Variants in LMTK3 observed in about 807,000 individuals in gnomAD.
LMTK3 encodes serine/threonine-protein kinase LMTK3.
Under a neutral mutation model 116.7 loss-of-function variants are expected in LMTK3, and 27 were observed. That is an observed-to-expected ratio of 0.23 (90% CI 0.17 to 0.32). The LOEUF is 0.32. Among genes scored for constraint, LMTK3 ranks in the 10% least tolerant of loss-of-function variants. LMTK3 has a pLI of 1.00. For synonymous variants in LMTK3, 965 were observed against 971.0 expected, an observed-to-expected ratio of 0.99 and a Z score of 0.11; for missense variants, 1,764 against 2,068.5, an observed-to-expected ratio of 0.85 and a Z score of 2.86.
At chr19:48,509,791 G>T (rs971164576) in intron 3 of LMTK3, among the ~76,000 whole-genome samples, 6 of 151,940 alleles carry the variant, frequency 3.9e-5, no homozygotes, top group African/African-American at 1.5e-4. Context: ...TCTCACCACC[G>T]CTTGCCCCTT....
In LMTK3 at chr19:48,500,378, C is replaced by T. The variant is rs1398440313; in HGVS notation, c.1152-461G>A. ...GGCGGAGGTTGCAGTGAGCCAAGAT[C>T]GTGCCATCGCACTCCAGCCTGGGCA... On this transcript the variant is annotated intron_variant, in intron 10 of 14. Coordinates refer to ENST00000600059, the MANE Select transcript of LMTK3 (RefSeq NM_001388485.1). This position sits in a 1 kb window ranked among gnomAD's most constrained non-coding sequence, Gnocchi z 4.0. Among the ~76,000 whole-genome samples the T allele has an allele frequency of 4.0e-5, 6 of 151,100 alleles. No individual in the cohort carries two copies. Among genetic ancestry groups the T allele is most frequent in the African/African-American group, 1.5e-4 (6 of 40,974 alleles).
At chr19:48,507,067 C>T (rs1038082506) in intron 5 of LMTK3, among the ~76,000 whole-genome samples, 1 of 152,214 alleles carries the variant, frequency 6.6e-6, no homozygotes, top group African/African-American at 2.4e-5. Flanking sequence ...GCTAGGATTA[C>T]AGGCAGGAGC....
Position 48,493,891 on chromosome 19 carries a change from CCGCCGCCGCGCCCGG to C in LMTK3, c.3880_3894del (p.Pro1294_Ala1298del), listed in dbSNP as rs1156828396. ...CGCGCCCTCCCGGGGCCCCGCGGCCCCGCCGCCGCGCCCGGCGCCGCCGCCTCCTCGTCCTCCTCC... is the reference window on the plus strand; with the variant it reads ...CGCGCCCTCCCGGGGCCCCGCGGCCCCGCCGCCGCCTCCTCGTCCTCCTCC... On this transcript the variant is annotated inframe_deletion, in exon 12 of 15. Coordinates refer to ENST00000600059, the MANE Select transcript of LMTK3 (RefSeq NM_001388485.1). The C allele has an allele frequency of 3.5e-5, 37 of 1,062,142 alleles. 1 individual carries two copies. The highest frequency in any genetic ancestry group is 1.3e-4 in the South Asian group (3 of 22,902). 65.8% of individuals were successfully genotyped at this position (1,062,142 alleles called of 1,614,324 possible).
In LMTK3 at chr19:48,485,626, T is replaced by G. The variant is rs1009925840; in HGVS notation, c.*147A>C. The G allele has an allele frequency of 1.8e-4, 127 of 692,814 alleles. No homozygotes were observed. Among genetic ancestry groups the G allele is most frequent in the Non-Finnish European group, 1.8e-4 (81 of 451,324 alleles). 42.9% of individuals were successfully genotyped at this position (692,814 alleles called of 1,614,324 possible). ...GGCCCGGGGCCTCCCGTTTGGCACA[T>G]GGTAGGGGAGTGGGAGGGGGAGGGC... is the stretch of plus-strand genomic sequence containing the variant. On this transcript the variant is annotated 3_prime_UTR_variant, in exon 15 of 15. Coordinates refer to ENST00000600059, the MANE Select transcript of LMTK3 (RefSeq NM_001388485.1).
chr19:48,511,792 A>G lies in LMTK3; in HGVS notation c.-216T>C. 9.1e-6 allele frequency: 1 copy of G among 110,490 alleles called. No individual in the cohort carries two copies. The allele number at this position is 110,490 out of a possible 1,614,324, so 6.8% of individuals were successfully genotyped here. On this transcript the variant is annotated 5_prime_UTR_variant, in exon 1 of 15. Transcript: ENST00000600059. Reference sequence around the variant, plus strand: ...GGGACAGACGGATGAAGGGATGGAGAGGCGGACAGAGGAGAGATGCTGGGG... The same window carrying G: ...GGGACAGACGGATGAAGGGATGGAGGGGCGGACAGAGGAGAGATGCTGGGG...
Position 48,500,558 on chromosome 19 carries a change from G to T in LMTK3, c.1151+438C>A, listed in dbSNP as rs28562206. ...GGGCAGAGATCCAGGGAGAAGAGGG[G>T]ACAGCAGACGGTAGAGATTCAGAGG... is the stretch of plus-strand genomic sequence containing the variant. On this transcript the variant is annotated intron_variant, in intron 10 of 14. Coordinates refer to ENST00000600059, the MANE Select transcript of LMTK3 (RefSeq NM_001388485.1). The surrounding 1 kb of genome is among the most constrained non-coding windows in gnomAD (Gnocchi z 4.0). Among the ~76,000 whole-genome samples, 3,284 of 152,268 alleles carry T rather than the reference G, an allele frequency of 0.022. 121 individuals carry two copies. The highest frequency in any genetic ancestry group is 0.072 in the African/African-American group (3,000 of 41,536).
At chr19:48,510,430 C>A in intron 2 of LMTK3, 29 bp downstream of exon 2, 1 of 1,582,614 alleles carries the variant, frequency 6.3e-7, no homozygotes, top group East Asian at 2.3e-5. Flanking sequence ...AGTCTTCCTC[C>A]CCAAGTTGAA....
At chr19:48,502,785 A>T in intron 6 of LMTK3, 124 bp downstream of exon 6, 1 of 865,514 alleles carries the variant, frequency 1.2e-6, no homozygotes, top group Admixed American at 2.6e-5. Context: ...ATGAAATGTT[A>T]GCGCATGCCA....
intron 14 of LMTK3, among the ~76,000 whole-genome samples, chr19:48,490,669 C>T (rs890124635): frequency 2.0e-5 from 3 of 152,182 alleles, no homozygotes; most frequent in African/African-American, 7.2e-5. Context: ...GCTCTCTAAC[C>T]CCCAGCTGTG....
At chr19:48,502,364 T>C in intron 7 of LMTK3, 69 bp downstream of exon 7, 86 of 850,588 alleles carry the variant, frequency 1.0e-4, no homozygotes, top group Admixed American at 3.5e-4. Flanking sequence ...CTCTAGCCCC[T>C]CCCCTGAGGC....
Position 48,498,962 on chromosome 19 carries a change from G to C in LMTK3, c.2107C>G (p.Pro703Ala), listed in dbSNP as rs1395297886. 4 of 1,329,394 alleles carry C rather than the reference G, an allele frequency of 3.0e-6. No homozygotes were observed. In the African/African-American group the frequency reaches 4.6e-5, roughly 15 times the overall value. 82.3% of individuals were successfully genotyped at this position (1,329,394 alleles called of 1,614,324 possible). A position where few individuals can be genotyped will look rare whatever the true frequency, so the allele number is the denominator to read the frequency against. ...CGCAGCGAGGAGTCGTCCTCGGGGG[G>C]GTGGGGGCAGCCAAGAGCAGGGTGG... ...GGHPALGCPH[P>A]PEDDSSLRAE... is the part of the protein sequence containing the mutation. Residue 703 changes from proline (P) to alanine (A), a missense_variant, in exon 11 of 15, where the codon CCC (proline) becomes GCC (alanine). Pro to Ala is a conservative substitution (Grantham distance 27). Transcript: ENST00000600059.
At chr19:48,499,985 A>T (rs1379137819) in intron 10 of LMTK3, 68 bp from the exon 11 acceptor site, 54 of 1,445,352 alleles carry the variant, frequency 3.7e-5, no homozygotes, top group Non-Finnish European at 4.4e-5. Context: ...CAGGGAGGGG[A>T]CAGACAACCA....
chr19:48,509,585 A>G, intron 3 of LMTK3, 72 bp from the exon 4 acceptor site: 1 of 1,265,644 alleles, frequency 7.9e-7, no homozygotes, highest in Non-Finnish European at 1.1e-6. Flanking sequence ...ACCCCAGGTC[A>G]GTGGGGACTG....
In LMTK3 at chr19:48,485,530, G is replaced by A; in HGVS notation, c.*243C>T. On this transcript the variant is annotated 3_prime_UTR_variant, in exon 15 of 15. Transcript: ENST00000600059. Reference sequence around the variant, plus strand: ...GCGGCTCTCTATGGAGGGGCGGGGGGATTCCTGCCTCATTTGGCTCCGAGG... The same window carrying A: ...GCGGCTCTCTATGGAGGGGCGGGGGAATTCCTGCCTCATTTGGCTCCGAGG... 1 of 536,718 alleles carries A rather than the reference G, an allele frequency of 1.9e-6. No individual in the cohort carries two copies. The allele number at this position is 536,718 out of a possible 1,614,324, so 33.2% of individuals were successfully genotyped here.
In LMTK3 at chr19:48,501,565, G is replaced by A. The variant is rs1339842691; in HGVS notation, c.795-3C>T. On this transcript the variant is annotated splice_region_variant and splice_polypyrimidine_tract_variant and intron_variant, in intron 7 of 14. Coordinates refer to ENST00000600059, the MANE Select transcript of LMTK3 (RefSeq NM_001388485.1). ...GGCAGTTGCGCAGGGCCAGGTCGCT[G>A]CGGGAAGAACGCGAGGAGGTGAGCG... is the stretch of plus-strand genomic sequence containing the variant. 4 of 1,605,120 alleles carry A rather than the reference G, an allele frequency of 2.5e-6. No homozygotes were observed. Among genetic ancestry groups the A allele is most frequent in the Admixed American group, 1.7e-5 (1 of 58,780 alleles).
At position 48,501,053 on chromosome 19, in the gene LMTK3, C is replaced by T. The variant is rs563664464; in HGVS notation, c.1094G>A (p.Arg365His). 1.9e-6 allele frequency: 3 copies of T among 1,553,948 alleles called. No homozygotes were observed. The highest frequency in any genetic ancestry group is 2.4e-5 in the East Asian group (1 of 42,160). ...CCGGGCCAGCTTCACATGCTGCTGG[C>T]GGACCACGAAGGCGAGGACCTCCTC... Reference protein sequence around the residue: ...SDEEVLAFVVRQQHVKLARPR... With the variant: ...SDEEVLAFVVHQQHVKLARPR... The change falls in exon 10 of 15, where the codon CGC becomes CAC. Residue 365 changes from arginine to histidine, a missense_variant. Around this residue, in one of 7 missense-constraint regions of LMTK3, gnomAD observed 271 missense variants for 478.2 expected, o/e 0.57. Coordinates refer to ENST00000600059, the MANE Select transcript of LMTK3 (RefSeq NM_001388485.1).
At chr19:48,501,171 G>C in intron 9 of LMTK3, 26 bp from the exon 10 acceptor site, 1 of 1,607,868 alleles carries the variant, frequency 6.2e-7, no homozygotes, top group Non-Finnish European at 8.5e-7. Flanking sequence ...AGAGGTCAGA[G>C]CCCAGCCCTG....
In LMTK3 at chr19:48,491,176, C is replaced by T. The variant is rs1972214302; in HGVS notation, c.4298G>A (p.Arg1433His). The change falls in exon 14 of 15, where the codon CGC becomes CAC. Residue 1433 changes from arginine to histidine, a missense_variant. Arg to His is a conservative substitution (Grantham distance 29). Coordinates refer to ENST00000600059, the MANE Select transcript of LMTK3 (RefSeq NM_001388485.1). The surrounding 1 kb of genome is among the most constrained non-coding windows in gnomAD (Gnocchi z 5.1). ...PPPGPPLCFSRFSVSPALETP... is the reference protein window; with the variant it reads ...PPPGPPLCFSHFSVSPALETP... The stretch of plus-strand genomic sequence containing the variant: ...CTCCAGCGCAGGCGAGACGGAGAAG[C>T]GGGAGAAGCACAGCGGGGGGCCTGG... The T allele has an allele frequency of 7.5e-7, 1 of 1,337,966 alleles. No homozygotes were observed. Among genetic ancestry groups the T allele is most frequent in the Non-Finnish European group, 9.5e-7 (1 of 1,048,660 alleles). The allele number at this position is 1,337,966 out of a possible 1,614,324, so 82.9% of individuals were successfully genotyped here.
In LMTK3 at chr19:48,499,125, G is replaced by T; in HGVS notation, c.1944C>A (p.Ser648Arg). 1 of 1,556,808 alleles carries T rather than the reference G, an allele frequency of 6.4e-7. No homozygotes were observed. The change falls in exon 11 of 15, where the codon AGC becomes AGA. Residue 648 changes from serine to arginine, a missense_variant. Physicochemically the swap from Ser to Arg is moderately radical, Grantham distance 110. Around this residue, in one of 7 missense-constraint regions of LMTK3, gnomAD observed 1,028 missense variants for 1,050.6 expected, o/e 0.98. Transcript: ENST00000600059. The stretch of plus-strand genomic sequence containing the variant: ...GGCTGCTGCTGTCTTCCCCTGGGGA[G>T]CTGCCCTCCTCCTCCTCCTCTTCTT... ...VEEEEEEEEG[S>R]SPGEDSSSLG...
Sources: gnomAD v4.1 joint callset for allele counts (sites outside exome capture counted in the v4.1 genomes callset) on GRCh38, gnomAD v4.1.1 for gene constraint, gnomAD v4.1.1 regional missense constraint, Gnocchi (gnomAD v3.1) non-coding constraint, MANE v1.5 for transcripts, NCBI Gene and HGNC (gene_info 2026-07-23, HGNC 2026-07-21) for gene names.